The following LAD1 variants were observed in gnomAD, a reference collection of about 807,000 sequenced individuals.
LAD1 encodes the protein ladinin 1.
A neutral mutation model predicts 54.2 loss-of-function variants in LAD1; 53 were observed. The observed-to-expected ratio is 0.98, with a 90% CI of 0.78 to 1.23. The LOEUF is 1.23. LAD1 is among the 50% of genes most tolerant of loss of function. LAD1 has a pLI of 0.00. For synonymous variants in LAD1, 231 were observed against 257.7 expected (o/e 0.90, Z 0.99); for missense variants, 637 against 653.3 (o/e 0.98, Z 0.27).
chr1:201,382,900 T>A (rs1661992008), intron 7 of LAD1, 161 bp from the exon 8 acceptor site: 1 of 993,554 alleles, frequency 1.0e-6, no homozygotes, highest in Admixed American at 2.1e-5. Context: ...CAGGGAGCTG[T>A]GTGCCCAGCT....
chr1:201,382,491 A>G (rs1191366975), intron 8 of LAD1, among the ~76,000 whole-genome samples, 162 bp downstream of exon 8: 2 of 151,754 alleles, frequency 1.3e-5, no homozygotes, highest in Non-Finnish European at 2.9e-5. Context: ...CCACACACCC[A>G]TCTATTCCCG....
intron 4 of LAD1, 152 bp downstream of exon 4, chr1:201,385,549 C>G (rs1237592809): frequency 1.4e-6 from 1 of 703,918 alleles, no homozygotes; most frequent in Non-Finnish European, 2.6e-6. Flanking sequence ...TGAATACAAC[C>G]TTGTTTGTTC....
chr1:201,388,257 G>T (rs969785554), intron 2 of LAD1, among the ~76,000 whole-genome samples: 7 of 152,142 alleles, frequency 4.6e-5, no homozygotes, highest in Non-Finnish European at 7.3e-5. Context: ...CGGGCATGGT[G>T]GCAGGTGCCT....
rs770253288 is a variant in LAD1 at position 201,384,835 on chromosome 1, T to C, written c.1132A>G (p.Met378Val). Residue 378 changes from methionine (M) to valine (V), a missense_variant and splice_region_variant, in exon 5 of 10, where the codon ATG becomes GTG. Coordinates refer to ENST00000391967, the MANE Select transcript of LAD1 (RefSeq NM_005558.4). Reference sequence around the variant, plus strand: ...TCCGAGTTTTCTTTCTTGGGTTTCATCTGAAATGAGAAGGAAAGGCATTGT... The same window carrying C: ...TCCGAGTTTTCTTTCTTGGGTTTCACCTGAAATGAGAAGGAAAGGCATTGT... ...RSSPRTISFR[M>V]KPKKENSETT... 13 of 1,613,842 alleles carry C rather than the reference T, an allele frequency of 8.1e-6. No individual in the cohort carries two copies. Among genetic ancestry groups the C allele is most frequent in the Non-Finnish European group, 1.1e-5 (13 of 1,180,020 alleles).
intron 1 of LAD1, chr1:201,397,165 C>CACCCTAGCA (rs1662305141): frequency 6.6e-6 from 1 of 152,528 alleles, no homozygotes; most frequent in Non-Finnish European, 1.5e-5. Flanking sequence ...CCACCTGGGA[C>CACCCTAGCA]CGTGCTGTCA....
intron 1 of LAD1, among the ~76,000 whole-genome samples, chr1:201,394,745 C>T (rs866701247): frequency 4.6e-5 from 7 of 152,178 alleles, no homozygotes; most frequent in Non-Finnish European, 1.0e-4. Flanking sequence ...GGATGCACCC[C>T]GTCCCTTGTC....
At chr1:201,385,578 C>T in intron 4 of LAD1, 123 bp downstream of exon 4, 1 of 768,794 alleles carries the variant, frequency 1.3e-6, no homozygotes, top group Non-Finnish European at 2.3e-6. Flanking sequence ...CCATGGGAAT[C>T]CAAAGCTCCT....
intron 1 of LAD1, among the ~76,000 whole-genome samples, chr1:201,392,143 CT>C (rs899065765): frequency 2.0e-5 from 3 of 152,380 alleles, no homozygotes; most frequent in Non-Finnish European, 4.4e-5. Context: ...AAGTTACTTC[CT>C]TTTCTCTTCC....
At chr1:201,387,206 AGAG>A in intron 2 of LAD1, 28 bp from the exon 3 acceptor site, 2 of 1,481,724 alleles carry the variant, frequency 1.3e-6, no homozygotes, top group South Asian at 3.0e-5. Flanking sequence ...AGACAGAATC[AGAG>A]GATAGAGGTG....
At chr1:201,387,318 C>T (rs1056004993) in intron 2 of LAD1, 140 bp from the exon 3 acceptor site, 28 of 772,990 alleles carry the variant, frequency 3.6e-5, no homozygotes, top group Non-Finnish European at 4.7e-5. Flanking sequence ...CTCACCACCA[C>T]CTTTATCCAC....
At chr1:201,389,585 C>G (rs2719183) in intron 1 of LAD1, among the ~76,000 whole-genome samples, 86,993 of 151,738 alleles carry the variant, frequency 0.57, 26,775 homozygotes, top group African/African-American at 0.82. Context: ...GGCTGAGACA[C>G]GCGGATTGCC....
At chr1:201,382,825 TCC>T in intron 7 of LAD1, 86 bp from the exon 8 acceptor site, 1 of 1,067,320 alleles carries the variant, frequency 9.4e-7, no homozygotes, top group Non-Finnish European at 1.4e-6. Flanking sequence ...GATAGGACTC[TCC>T]CTCACTCCCC....
Position 201,389,296 on chromosome 1 carries a change from G to C in LAD1, c.46C>G (p.Arg16Gly), listed in dbSNP as rs139550486. 15 of 1,612,070 alleles carry C rather than the reference G, an allele frequency of 9.3e-6. No individual in the cohort carries two copies. Among genetic ancestry groups the C allele is most frequent in the African/African-American group, 1.3e-5 (1 of 74,932 alleles). The change falls in exon 2 of 10, where the codon CGG becomes GGG. Residue 16 changes from arginine (R) to glycine (G), a missense_variant. Physicochemically the swap from Arg to Gly is moderately radical, Grantham distance 125. Coordinates refer to ENST00000391967, the MANE Select transcript of LAD1 (RefSeq NM_005558.4). The part of the protein sequence containing the change: ...KDWSALSSLA[R>G]QRTLEDEEEQ... ...TCCTCATCCTCCAGAGTCCTCTGCCGGGCAAGGCTGGGGGAGGGGAGGAGA... is the reference window on the plus strand; with the variant it reads ...TCCTCATCCTCCAGAGTCCTCTGCCCGGCAAGGCTGGGGGAGGGGAGGAGA...
In LAD1 at chr1:201,386,873, C is replaced by A; in HGVS notation, c.488G>T (p.Gly163Val). 6.5e-7 allele frequency: 1 copy of A among 1,530,858 alleles called. No homozygotes were observed. Among genetic ancestry groups the A allele is most frequent in the Non-Finnish European group, 8.7e-7 (1 of 1,151,346 alleles). The allele number at this position is 1,530,858 out of a possible 1,614,324, so 94.8% of individuals were successfully genotyped here. A position where few individuals can be genotyped will look rare whatever the true frequency, so the allele number is the denominator to read the frequency against. The change falls in exon 3 of 10, where the codon GGC (glycine) becomes GTC (valine). Residue 163 changes from glycine to valine, a missense_variant. Transcript: ENST00000391967. ...PWALEEESLVGREPEERKKGV... is the reference protein window; with the variant it reads ...PWALEEESLVVREPEERKKGV... The stretch of plus-strand genomic sequence containing the variant: ...TTTCTTCCTCTCTTCTGGCTCCCTG[C>A]CCACCAAGCTCTCCTCCTCCAGGGC...
intron 1 of LAD1, among the ~76,000 whole-genome samples, chr1:201,397,942 C>G (rs1662329540): frequency 6.6e-6 from 1 of 152,212 alleles, no homozygotes; most frequent in African/African-American, 2.4e-5. Flanking sequence ...ACTCCTCAGC[C>G]GCACCCTCAG....
chr1:201,386,650 A>T lies in LAD1; in HGVS notation c.711T>A (p.Ser237Arg), dbSNP rs1662095180. 1 of 1,614,010 alleles carries T rather than the reference A, an allele frequency of 6.2e-7. No homozygotes were observed. The highest frequency in any genetic ancestry group is 2.2e-5 in the East Asian group (1 of 44,876). ...CTGGGGCCAGCGACTTCTCAGAGACACTGGTTTTTTCTAGAACAGACTTCT... is the reference window on the plus strand; with the variant it reads ...CTGGGGCCAGCGACTTCTCAGAGACTCTGGTTTTTTCTAGAACAGACTTCT... ...SEKKSVLEKT[S>R]VSEKSLAPGM... The change falls in exon 3 of 10, where the codon AGT (serine) becomes AGA (arginine). Residue 237 changes from serine (S) to arginine (R), a missense_variant. Transcript: ENST00000391967.
At chr1:201,396,035 G>A (rs58537077) in intron 1 of LAD1, among the ~76,000 whole-genome samples, 9,137 of 119,560 alleles carry the variant, frequency 0.076, 392 homozygotes, top group East Asian at 0.24. Context: ...GGGGCCCAGG[G>A]CAAAGCCTGG....
At chr1:201,384,716 G>A (rs1232754657) in intron 5 of LAD1, 76 bp downstream of exon 5, 1 of 1,447,726 alleles carries the variant, frequency 6.9e-7, no homozygotes, top group African/African-American at 1.4e-5. Flanking sequence ...CTGGCACAAG[G>A]AGGGCGGGTG....
At chr1:201,399,150 A>G in intron 1 of LAD1, 119 bp downstream of exon 1, 1 of 889,690 alleles carries the variant, frequency 1.1e-6, no homozygotes, top group South Asian at 1.5e-5. Flanking sequence ...TCGCAGCAAG[A>G]CCAGGATCCA....
Sources: gnomAD v4.1 joint callset for allele counts (sites outside exome capture counted in the v4.1 genomes callset) on GRCh38, gnomAD v4.1.1 for gene constraint, MANE v1.5 for transcripts, NCBI Gene and HGNC (gene_info 2026-07-23, HGNC 2026-07-21) for gene names.